OPCML: variants seen among roughly 807,000 people sequenced by gnomAD.
OPCML encodes opioid binding protein/cell adhesion molecule like.
Under a neutral mutation model 37.8 loss-of-function variants are expected in OPCML, and 13 were observed. The observed-to-expected ratio is 0.34, with a 90% confidence interval of 0.22 to 0.55. The LOEUF is 0.55. OPCML is among the 20% of genes least tolerant of loss of function. OPCML has a pLI of 0.91. For missense variants in OPCML, 341 were observed against 435.6 expected, an observed-to-expected ratio of 0.78 and a Z score of 1.93; for synonymous variants, 176 against 168.8, an observed-to-expected ratio of 1.04 and a Z score of -0.33.
chr11:133,096,428 T>C (rs1254719374), intron 1 of OPCML, among the ~76,000 whole-genome samples: 1 of 151,560 alleles, frequency 6.6e-6, no homozygotes, highest in African/African-American at 2.4e-5. Flanking sequence ...AATGCTGAAT[T>C]AAAAACACAA....
chr11:132,420,211 G>T lies in OPCML; in HGVS notation c.999C>A (p.His333Gln), dbSNP rs1342910429. Reference sequence around the variant, plus strand: ...TTTCTTATCAAAACTTGATGAAGAAGTGGGCTAAGAGGGTCCCTGATAGCC... The same window carrying T: ...TTTCTTATCAAAACTTGATGAAGAATTGGGCTAAGAGGGTCCCTGATAGCC... ...CLWLSGTLLA[H>Q]FFIKF Residue 333 changes from histidine (H) to glutamine (Q), a missense_variant, in exon 8 of 8, where the codon CAC becomes CAA. Physicochemically the swap from His to Gln is conservative, Grantham distance 24. Coordinates refer to ENST00000524381, the MANE Select transcript of OPCML (RefSeq NM_001012393.5). The T allele has an allele frequency of 6.2e-7, 1 of 1,613,766 alleles. No individual in the cohort carries two copies. Among genetic ancestry groups the T allele is most frequent in the Non-Finnish European group, 8.5e-7 (1 of 1,179,846 alleles).
At chr11:133,364,802 G>A (rs368833533) in intron 1 of OPCML, among the ~76,000 whole-genome samples, 18 of 152,102 alleles carry the variant, frequency 1.2e-4, no homozygotes, top group South Asian at 4.1e-4. Context: ...TTTAAAAAGC[G>A]GATTGGACCC....
At chr11:133,360,315 A>G (rs1344825892) in intron 1 of OPCML, 1 of 152,228 alleles carries the variant, frequency 6.6e-6, no homozygotes, top group South Asian at 2.1e-4. Flanking sequence ...AATTATCCCT[A>G]CATAATTCTG....
intron 3 of OPCML, among the ~76,000 whole-genome samples, chr11:132,567,649 T>TA (rs1176704215): frequency 6.6e-6 from 1 of 152,226 alleles, no homozygotes; most frequent in Non-Finnish European, 1.5e-5. Context: ...AATGGATTTT[T>TA]ATCTTAAGGA....
intron 3 of OPCML, among the ~76,000 whole-genome samples, chr11:132,571,858 T>C (rs1310437077): frequency 3.9e-5 from 6 of 152,180 alleles, no homozygotes; most frequent in South Asian, 2.1e-4. Context: ...TTGTTTTTCA[T>C]AGCAGCTGTA....
chr11:132,762,548 G>A (rs1024761311), intron 2 of OPCML, among the ~76,000 whole-genome samples: 2 of 152,182 alleles, frequency 1.3e-5, no homozygotes, highest in East Asian at 1.9e-4. Flanking sequence ...TGGCTACAGC[G>A]ACTTTGCCAC....
At chr11:132,466,876 A>ATG (rs1392129764) in intron 4 of OPCML, among the ~76,000 whole-genome samples, 1 of 152,176 alleles carries the variant, frequency 6.6e-6, no homozygotes, top group South Asian at 2.1e-4. Flanking sequence ...GCATGCACTT[A>ATG]TGTGTATTTT....
At chr11:133,352,952 G>A (rs1944175313) in intron 1 of OPCML, among the ~76,000 whole-genome samples, 1 of 152,206 alleles carries the variant, frequency 6.6e-6, no homozygotes, top group African/African-American at 2.4e-5. Context: ...CATTACCATG[G>A]AGATAATGAT....
At chr11:132,422,639 A>G (rs1452256593) in intron 7 of OPCML, among the ~76,000 whole-genome samples, 1 of 152,242 alleles carries the variant, frequency 6.6e-6, no homozygotes, top group African/African-American at 2.4e-5. Flanking sequence ...TAATCATCAC[A>G]TCAACCCTAT....
chr11:132,415,170 A>G lies in OPCML; in HGVS notation c.*5023T>C, dbSNP rs2095934277. 4.0e-5 allele frequency: 6 copies of G among 148,934 alleles called. No homozygotes were observed. The South Asian group carries it at 1.3e-3, about 31-fold the overall frequency. The allele number at this position is 148,934 out of a possible 1,614,324, so 9.2% of individuals were successfully genotyped here. ...TGAAGGAAAAAATACGAAAGAAAATAAAAGAAAAAAAGAACTCTAGAAGGC... is the reference window on the plus strand; with the variant it reads ...TGAAGGAAAAAATACGAAAGAAAATGAAAGAAAAAAAGAACTCTAGAAGGC... On this transcript the variant is annotated 3_prime_UTR_variant, in exon 8 of 8. Transcript: ENST00000524381.
At chr11:133,190,845 A>G (rs1455366325) in intron 1 of OPCML, among the ~76,000 whole-genome samples, 1 of 152,174 alleles carries the variant, frequency 6.6e-6, no homozygotes, top group Non-Finnish European at 1.5e-5. Flanking sequence ...ATATTATTTC[A>G]TTATATGGCT....
intron 2 of OPCML, among the ~76,000 whole-genome samples, chr11:132,689,901 A>G (rs1033845641): frequency 6.6e-6 from 1 of 152,248 alleles, no homozygotes; most frequent in East Asian, 1.9e-4. Context: ...GCCTTGGACC[A>G]TAAGTAATCA....
chr11:133,474,033 C>A (rs185237126), intron 1 of OPCML, among the ~76,000 whole-genome samples: 1 of 152,234 alleles, frequency 6.6e-6, no homozygotes, highest in East Asian at 1.9e-4. Flanking sequence ...AAATAGTATA[C>A]CTCTTTGGTA....
At chr11:133,496,465 G>A (rs1055094916) in intron 1 of OPCML, among the ~76,000 whole-genome samples, 17 of 152,142 alleles carry the variant, frequency 1.1e-4, no homozygotes, top group African/African-American at 3.9e-4. Context: ...ATGGGGATGT[G>A]TTGCATTTGT....
chr11:132,435,327 A>C, intron 7 of OPCML: 1 of 1,057,736 alleles, frequency 9.5e-7, no homozygotes, highest in South Asian at 1.4e-5. Context: ...GGAAACGTGG[A>C]TACCTCTCTT....
intron 1 of OPCML, among the ~76,000 whole-genome samples, chr11:133,021,388 T>C (rs1408485630): frequency 6.6e-6 from 1 of 152,084 alleles, no homozygotes; most frequent in Non-Finnish European, 1.5e-5. Context: ...AGGGTACGCT[T>C]CTATTCAAGG....
At chr11:132,572,736 T>C (rs910092099) in intron 3 of OPCML, among the ~76,000 whole-genome samples, 2 of 152,134 alleles carry the variant, frequency 1.3e-5, no homozygotes, top group Non-Finnish European at 2.9e-5. Flanking sequence ...TCCTAGTATT[T>C]TGTAGTTCTA....
intron 1 of OPCML, chr11:133,005,778 T>C: frequency 1.0e-6 from 1 of 983,920 alleles, no homozygotes; most frequent in Non-Finnish European, 1.2e-6. Context: ...CATTATTTTA[T>C]GAACTCCTTC....
intron 2 of OPCML, among the ~76,000 whole-genome samples, chr11:132,831,154 C>T (rs1226087865): frequency 3.3e-5 from 5 of 151,940 alleles, no homozygotes; most frequent in Admixed American, 3.3e-4. Flanking sequence ...GGGCAAATCA[C>T]AGCAATTACA....
Sources: gnomAD v4.1 joint callset for allele counts (sites outside exome capture counted in the v4.1 genomes callset) on GRCh38, gnomAD v4.1.1 for gene constraint, MANE v1.5 for transcripts, NCBI Gene and HGNC (gene_info 2026-07-23, HGNC 2026-07-21) for gene names.